MS4A13: variants seen among roughly 807,000 people sequenced by gnomAD.
The protein encoded by MS4A13 is membrane spanning 4-domains A13.
Under a neutral mutation model 18.4 loss-of-function variants are expected in MS4A13, and 21 were observed. The observed-to-expected ratio is 1.14, with a 90% CI of 0.81 to 1.64. MS4A13 has a LOEUF of 1.64. Among genes scored for constraint, MS4A13 ranks in the 40% most tolerant of loss-of-function variants. The pLI is 0.00. For missense variants in MS4A13, 173 were observed against 176.8 expected, an observed-to-expected ratio of 0.98 and a Z score of 0.12; for synonymous variants, 62 against 57.2, an observed-to-expected ratio of 1.08 and a Z score of -0.38.
At chr11:60,524,156 A>G (rs2086696657) in intron 4 of MS4A13, among the ~76,000 whole-genome samples, 1 of 152,246 alleles carries the variant, frequency 6.6e-6, no homozygotes, top group African/African-American at 2.4e-5. Flanking sequence ...TACTTTATGT[A>G]TAGGTTTCTA....
intron 6 of MS4A13, among the ~76,000 whole-genome samples, chr11:60,535,389 C>A (rs367868758): frequency 8.7e-6 from 1 of 114,770 alleles, no homozygotes; most frequent in African/African-American, 3.5e-5. Context: ...GAGAATACTA[C>A]AAACACCTCT....
chr11:60,520,273 A>G (rs950048553), intron 3 of MS4A13, among the ~76,000 whole-genome samples: 1 of 152,140 alleles, frequency 6.6e-6, no homozygotes, highest in African/African-American at 2.4e-5. Flanking sequence ...GGCCCCTCCT[A>G]AATTTCATGT....
At chr11:60,542,456 A>G in intron 6 of MS4A13, 63 bp from the exon 7 acceptor site, 1 of 1,113,748 alleles carries the variant, frequency 9.0e-7, no homozygotes. Flanking sequence ...AAAAAGATCT[A>G]TTTATTAGTT....
At chr11:60,526,336 C>G (rs1289854558) in intron 5 of MS4A13, among the ~76,000 whole-genome samples, 1 of 152,152 alleles carries the variant, frequency 6.6e-6, no homozygotes, top group Non-Finnish European at 1.5e-5. Flanking sequence ...ATTTTGAGGG[C>G]AGAGAATAGG....
chr11:60,528,159 ATTTTAGC>A (rs1343825769), intron 5 of MS4A13, among the ~76,000 whole-genome samples: 1 of 147,464 alleles, frequency 6.8e-6, no homozygotes, highest in African/African-American at 2.5e-5. Context: ...TCAAATATGT[ATTTTAGC>A]TTTACTCTAC....
intron 2 of MS4A13, among the ~76,000 whole-genome samples, chr11:60,517,224 G>C (rs1003202755): frequency 1.3e-5 from 2 of 151,440 alleles, no homozygotes. Flanking sequence ...ATTTTTTAAA[G>C]TTAGCCAATT....
At position 60,517,491 on chromosome 11, in the gene MS4A13, T is replaced by C. The variant is rs529787244; in HGVS notation, c.-12-581T>C. 2.0e-5 allele frequency among the ~76,000 whole-genome samples: 3 copies of C among 152,286 alleles called. No homozygotes were observed. The South Asian group carries it at 6.2e-4, about 32-fold the overall frequency. ...TCTCCCCTATTCAAAATCCTTCCCC[T>C]TTCCAATGGGAAAACCGAGTTCAAG... On this transcript the variant is annotated intron_variant, in intron 2 of 6. Coordinates refer to ENST00000378186, the MANE Select transcript of MS4A13 (RefSeq NM_001012417.3).
chr11:60,527,255 A>T lies in MS4A13; in HGVS notation c.306+1929A>T, dbSNP rs546802205. On this transcript the variant is annotated intron_variant, in intron 5 of 6. Coordinates refer to ENST00000378186, the MANE Select transcript of MS4A13 (RefSeq NM_001012417.3). ...TAGGGTTATCTTGGTTTTAAGTAAT[A>T]GGAAATACAACCCAAGTTGACTTAA... Among the ~76,000 whole-genome samples, 21 of 152,256 alleles carry T rather than the reference A, an allele frequency of 1.4e-4. 1 individual carries two copies. Among genetic ancestry groups the T allele is most frequent in the Non-Finnish European group, 4.4e-5 (3 of 68,022 alleles).
intron 6 of MS4A13, among the ~76,000 whole-genome samples, chr11:60,532,090 G>C (rs1316732002): frequency 2.0e-5 from 3 of 152,212 alleles, no homozygotes. Context: ...AATAGACATA[G>C]CGTCTTTGAG....
At chr11:60,542,773 A>G (rs1237821371), downstream of MS4A13, 1 of 431,348 alleles carries the variant, frequency 2.3e-6, no homozygotes, top group Admixed American at 3.6e-5. Flanking sequence ...CCCTATTTAA[A>G]TATGAGATTA....
At chr11:60,522,371 G>A (rs1047595673) in intron 3 of MS4A13, among the ~76,000 whole-genome samples, 3 of 151,830 alleles carry the variant, frequency 2.0e-5, no homozygotes, top group Admixed American at 6.6e-5. Flanking sequence ...TTCGAAAAGA[G>A]GAATGGCCAA....
rs1407456008 is a variant in MS4A13, at chr11:60,518,042, T to G, written c.-12-30T>G. 3.3e-6 allele frequency: 5 copies of G among 1,510,812 alleles called. No individual in the cohort carries two copies. The Admixed American group carries it at 7.8e-5, about 23-fold the overall frequency. 93.6% of individuals were successfully genotyped at this position (1,510,812 alleles called of 1,614,324 possible). ...GGAATTGTGTTTTAAATTACATTAT[T>G]TCGGTACTAACATAATTCTCTTCTC... On this transcript the variant is annotated intron_variant, in intron 2 of 6. Coordinates refer to ENST00000378186, the MANE Select transcript of MS4A13 (RefSeq NM_001012417.3).
At chr11:60,542,419 A>C (rs991752855) in intron 6 of MS4A13, 100 bp from the exon 7 acceptor site, 30 of 667,220 alleles carry the variant, frequency 4.5e-5, no homozygotes, top group Non-Finnish European at 1.2e-5. Context: ...CACTCTATAA[A>C]TATCAGTATT....
chr11:60,529,574 T>G (rs1210148693), intron 6 of MS4A13, 114 bp downstream of exon 6: 2 of 464,424 alleles, frequency 4.3e-6, no homozygotes, highest in East Asian at 7.0e-5. Flanking sequence ...ATAAATGGAA[T>G]GTGTGATATT....
chr11:60,524,301 A>G (rs980406593), intron 4 of MS4A13, among the ~76,000 whole-genome samples: 8 of 152,310 alleles, frequency 5.3e-5, no homozygotes, highest in Middle Eastern at 3.4e-3. Flanking sequence ...CATTTTCTGA[A>G]CTATCCAGTT....
intron 6 of MS4A13, among the ~76,000 whole-genome samples, chr11:60,530,496 G>A (rs1009038531): frequency 2.6e-5 from 4 of 152,248 alleles, no homozygotes; most frequent in South Asian, 2.1e-4. Flanking sequence ...GGCTGATTGA[G>A]GACATGGTAA....
intron 4 of MS4A13, among the ~76,000 whole-genome samples, chr11:60,524,520 A>G (rs1211539573): frequency 1.3e-5 from 2 of 152,184 alleles, no homozygotes; most frequent in African/African-American, 2.4e-5. Context: ...AAAACCCAGG[A>G]TTAAAATTTT....
chr11:60,520,212 T>G (rs1421986938), intron 3 of MS4A13, among the ~76,000 whole-genome samples: 1 of 152,126 alleles, frequency 6.6e-6, no homozygotes, highest in Non-Finnish European at 1.5e-5. Context: ...TGATAGTGAA[T>G]AAGTCTCACA....
At chr11:60,518,017 G>A in intron 2 of MS4A13, 55 bp from the exon 3 acceptor site, 1 of 1,351,980 alleles carries the variant, frequency 7.4e-7, no homozygotes, top group South Asian at 1.5e-5. Context: ...AACACTTATT[G>A]GAATTGTGTT....
Sources: allele counts gnomAD v4.1 joint callset (sites outside exome capture counted in the v4.1 genomes callset), GRCh38; gene constraint gnomAD v4.1.1; transcripts MANE v1.5; gene names NCBI Gene and HGNC (gene_info 2026-07-23, HGNC 2026-07-21).